The following PRKAG2 variants were observed in gnomAD, a reference collection of about 807,000 sequenced individuals.
PRKAG2 encodes the protein protein kinase AMP-activated non-catalytic subunit gamma 2.
In PRKAG2, 26 loss-of-function variants were observed where a neutral mutation model predicts 69.6. The ratio of observed to expected loss-of-function variants is 0.37; its 90% CI spans 0.27 to 0.52. The LOEUF is 0.52. Among genes scored for constraint, PRKAG2 ranks in the 20% least tolerant of loss-of-function variants. The pLI, the probability that PRKAG2 is intolerant of heterozygous loss-of-function variation, is 0.90. For missense variants in PRKAG2, 557 were observed against 740.0 expected (o/e 0.75, Z 2.87); for synonymous variants, 293 against 285.0 (o/e 1.03, Z -0.28).
intron 4 of PRKAG2, among the ~76,000 whole-genome samples, chr7:151,652,645 G>T (rs2151401111): frequency 6.6e-6 from 1 of 152,138 alleles, no homozygotes; most frequent in East Asian, 1.9e-4. Context: ...AAAGCCCATT[G>T]GGTCTCTTTT....
At position 151,578,910 on chromosome 7, in the gene PRKAG2, G is replaced by A. The variant is rs1416124904; in HGVS notation, c.865-2458C>T. Among the ~76,000 whole-genome samples, 6 of 152,222 alleles carry A rather than the reference G, an allele frequency of 3.9e-5. No individual in the cohort carries two copies. The East Asian group carries it at 1.2e-3, about 29-fold the overall frequency. On this transcript the variant is annotated intron_variant, in intron 6 of 15. Coordinates refer to ENST00000287878, the MANE Select transcript of PRKAG2 (RefSeq NM_016203.4). ...GAAGAATATAGTGGAAAAGTCGCAT[G>A]TAAATAGATTTTAAAACACACTGAA...
chr7:151,763,326 G>A (rs1237808554), intron 3 of PRKAG2, among the ~76,000 whole-genome samples: 2 of 152,236 alleles, frequency 1.3e-5, no homozygotes, highest in Non-Finnish European at 2.9e-5. Flanking sequence ...TCCCGGCACA[G>A]AGTCGAGCAC....
rs190010968 is a variant in PRKAG2, at chr7:151,681,105, C to A, written c.467-5468G>T. ...ACCACGGTGTCCGCTCCTCCCATGG[C>A]CCTGTCCCCTTGCAGGCCACCCCCG... On this transcript the variant is annotated intron_variant, in intron 3 of 15. Coordinates refer to ENST00000287878, the MANE Select transcript of PRKAG2 (RefSeq NM_016203.4). Among the ~76,000 whole-genome samples the A allele has an allele frequency of 2.0e-4, 31 of 152,334 alleles. 1 individual carries two copies. The East Asian group carries it at 5.8e-3, about 28-fold the overall frequency.
chr7:151,603,275 G>C, intron 5 of PRKAG2, among the ~76,000 whole-genome samples: 1 of 12,912 alleles, frequency 7.7e-5, no homozygotes, highest in Admixed American at 7.2e-4. Context: ...GGAGGGACAC[G>C]CTCCGTCCTC....
At chr7:151,611,533 G>A (rs1179797210) in intron 5 of PRKAG2, among the ~76,000 whole-genome samples, 1 of 152,158 alleles carries the variant, frequency 6.6e-6, no homozygotes, top group East Asian at 1.9e-4. Context: ...AAGTGGTAAA[G>A]AGATGGAGGC....
intron 3 of PRKAG2, among the ~76,000 whole-genome samples, chr7:151,703,297 C>T (rs1838027781): frequency 1.3e-5 from 2 of 152,222 alleles, no homozygotes; most frequent in African/African-American, 2.4e-5. Context: ...TTCAGAGCTC[C>T]TGCAGCTGCT....
At chr7:151,616,561 A>G (rs1380813636) in intron 5 of PRKAG2, among the ~76,000 whole-genome samples, 1 of 152,228 alleles carries the variant, frequency 6.6e-6, no homozygotes, top group African/African-American at 2.4e-5. Flanking sequence ...TGAAGAAGGC[A>G]GATTGCTTCT....
rs894133684 is a variant in PRKAG2 at position 151,638,565 on chromosome 7, C to T, written c.685-6427G>A. Among the ~76,000 whole-genome samples the T allele has an allele frequency of 2.0e-5, 3 of 151,834 alleles. No homozygotes were observed. Among genetic ancestry groups the T allele is most frequent in the Non-Finnish European group, 4.4e-5 (3 of 67,980 alleles). On this transcript the variant is annotated intron_variant, in intron 4 of 15. Transcript: ENST00000287878. This position sits in a 1 kb window ranked among gnomAD's most constrained non-coding sequence, Gnocchi z 4.3. ...AGGAGAATCGCTTGAACCCAGGAGG[C>T]GGAACTTGGAGTGAGCCAAGATTGC...
intron 1 of PRKAG2, among the ~76,000 whole-genome samples, chr7:151,849,007 G>A (rs1459173347): frequency 6.6e-6 from 1 of 152,234 alleles, no homozygotes; most frequent in African/African-American, 2.4e-5. Flanking sequence ...GCAGGCCCAG[G>A]ACCTGGGTAC....
intron 3 of PRKAG2, among the ~76,000 whole-genome samples, chr7:151,767,425 G>C (rs2151770026): frequency 6.6e-6 from 1 of 152,316 alleles, no homozygotes; most frequent in South Asian, 2.1e-4. Context: ...CGAGTAACTG[G>C]GATTACAGGC....
At chr7:151,649,185 G>A (rs373512383) in intron 4 of PRKAG2, among the ~76,000 whole-genome samples, 18 of 152,040 alleles carry the variant, frequency 1.2e-4, no homozygotes, top group African/African-American at 4.4e-4. Flanking sequence ...GAGTGCAGTG[G>A]TGTGATCTTG....
chr7:151,767,731 T>C (rs999234280), intron 3 of PRKAG2, among the ~76,000 whole-genome samples: 4 of 152,254 alleles, frequency 2.6e-5, no homozygotes, highest in Non-Finnish European at 5.9e-5. Flanking sequence ...TACCAGCTAA[T>C]TGTTAAATCC....
intron 3 of PRKAG2, among the ~76,000 whole-genome samples, chr7:151,746,466 C>T (rs1199009510): frequency 1.3e-5 from 2 of 152,232 alleles, no homozygotes; most frequent in Non-Finnish European, 2.9e-5. Flanking sequence ...TATTCTTCCA[C>T]ATTTCTCCCA....
At chr7:151,749,610 C>A (rs1042916843) in intron 3 of PRKAG2, among the ~76,000 whole-genome samples, 6 of 152,046 alleles carry the variant, frequency 3.9e-5, no homozygotes, top group Non-Finnish European at 8.8e-5. Flanking sequence ...AACTACAACT[C>A]TACAACAAAA....
chr7:151,563,194 C>G (rs1805481148), intron 14 of PRKAG2, among the ~76,000 whole-genome samples: 1 of 152,208 alleles, frequency 6.6e-6, no homozygotes, highest in Non-Finnish European at 1.5e-5. Context: ...ACTGTACACC[C>G]TTCTCCTAGC....
intron 4 of PRKAG2, among the ~76,000 whole-genome samples, chr7:151,658,923 T>C (rs1419338486): frequency 6.6e-6 from 1 of 152,178 alleles, no homozygotes; most frequent in African/African-American, 2.4e-5. Context: ...CAAGTCAGAA[T>C]GTGATTCAGT....
intron 1 of PRKAG2, among the ~76,000 whole-genome samples, chr7:151,793,440 A>C (rs1210420615): frequency 6.6e-6 from 1 of 152,150 alleles, no homozygotes; most frequent in Non-Finnish European, 1.5e-5. Flanking sequence ...CAGCTCCCTC[A>C]ATCCTAAGGG....
intron 1 of PRKAG2, among the ~76,000 whole-genome samples, chr7:151,874,138 ATATATG>A (rs1005244042): frequency 1.5e-5 from 2 of 129,762 alleles, no homozygotes; most frequent in Non-Finnish European, 3.3e-5. Flanking sequence ...ATGTATATGT[ATATATG>A]TATATGTATA....
intron 3 of PRKAG2, among the ~76,000 whole-genome samples, chr7:151,752,483 G>A (rs1027543080): frequency 3.3e-5 from 5 of 152,152 alleles, no homozygotes; most frequent in African/African-American, 1.2e-4. Flanking sequence ...AAATACGTGG[G>A]TGATGAAATA....
Sources: gnomAD v4.1 joint callset for allele counts (sites outside exome capture counted in the v4.1 genomes callset) on GRCh38, gnomAD v4.1.1 for gene constraint, Gnocchi (gnomAD v3.1) non-coding constraint, MANE v1.5 for transcripts, NCBI Gene and HGNC (gene_info 2026-07-23, HGNC 2026-07-21) for gene names.